The following CA5B variants were observed in gnomAD, a reference collection of about 807,000 sequenced individuals.
CA5B encodes the protein carbonic anhydrase 5B, mitochondrial.
A neutral mutation model predicts 23.1 loss-of-function variants in CA5B; 15 were observed. The observed-to-expected ratio is 0.65, with a 90% CI of 0.43 to 1.00. The LOEUF (loss-of-function observed/expected upper bound fraction) is 1.00. Ranked by LOEUF, CA5B falls within the 50% of genes least tolerant of loss-of-function variation. The pLI is 0.00. For synonymous variants in CA5B, 84 were observed against 98.5 expected (o/e 0.85, Z 0.87); for missense variants, 236 against 252.2 (o/e 0.94, Z 0.43).
chrX:15,771,790 T>C (rs1215343817), intron 3 of CA5B, among the ~76,000 whole-genome samples: 1 of 110,492 alleles, frequency 9.1e-6, no homozygotes, highest in East Asian at 2.8e-4. Context: ...TACAATGTAA[T>C]CTTTTGATAT....
intron 2 of CA5B, among the ~76,000 whole-genome samples, chrX:15,755,019 C>T (rs1420182519): frequency 3.6e-5 from 4 of 112,304 alleles, no homozygotes; most frequent in Admixed American, 2.8e-4. Flanking sequence ...TATATCATAA[C>T]TGTACTGTGT....
intron 1 of CA5B, among the ~76,000 whole-genome samples, chrX:15,743,854 T>G (rs1439609524): frequency 8.9e-6 from 1 of 111,929 alleles, no homozygotes; most frequent in Non-Finnish European, 1.9e-5. Flanking sequence ...TGGCTTTCTT[T>G]CAGAAAAACA....
At chrX:15,751,919 A>C (rs1931363712) in intron 2 of CA5B, among the ~76,000 whole-genome samples, 1 of 111,714 alleles carries the variant, frequency 9.0e-6, no homozygotes, top group African/African-American at 3.3e-5. Context: ...ACAGAAGGCC[A>C]ATGTACACTT....
Position 15,750,111 on chromosome X carries a change from C to G in CA5B, c.88C>G (p.Pro30Ala). The change falls in exon 2 of 8, where the codon CCA becomes GCA. Residue 30 changes from proline to alanine, a missense_variant. By Grantham distance (27) the Pro-to-Ala change is conservative. Coordinates refer to ENST00000318636, the MANE Select transcript of CA5B (RefSeq NM_007220.4). Reference protein sequence around the residue: ...WRKFQIPRFMPARPCSLYTCT... With the variant: ...WRKFQIPRFMAARPCSLYTCT... ...AAAGTTCCAGATTCCGAGATTCATG[C>G]CAGCGAGGCCCTGCAGCCTCTATAC... The G allele has an allele frequency of 8.3e-7, 1 of 1,211,376 alleles. No individual in the cohort carries two copies. Among genetic ancestry groups the G allele is most frequent in the Non-Finnish European group, 1.1e-6 (1 of 895,231 alleles).
At chrX:15,782,277 T>A (rs1932037917) in intron 7 of CA5B, among the ~76,000 whole-genome samples, 1 of 112,334 alleles carries the variant, frequency 8.9e-6, no homozygotes. Context: ...GCTGCTCTCC[T>A]CCCCACAGGA....
chrX:15,775,658 C>T (rs1463495667), intron 6 of CA5B: 1 of 771,842 alleles, frequency 1.3e-6, no homozygotes, highest in African/African-American at 2.3e-5. Flanking sequence ...GAGCGCAGTT[C>T]TACAGAAACT....
chrX:15,772,433 T>C, intron 3 of CA5B, 63 bp from the exon 4 acceptor site: 1 of 741,054 alleles, frequency 1.3e-6, no homozygotes, highest in South Asian at 2.4e-5. Context: ...GATTTGGCCT[T>C]TCACCCACAT....
At chrX:15,745,377 G>T (rs1012304319) in intron 1 of CA5B, among the ~76,000 whole-genome samples, 2 of 110,805 alleles carry the variant, frequency 1.8e-5, no homozygotes, top group African/African-American at 3.3e-5. Context: ...TGTTTAGTGA[G>T]TACATAGTTT....
intron 7 of CA5B, among the ~76,000 whole-genome samples, chrX:15,777,358 T>C (rs775168564): frequency 8.9e-6 from 1 of 111,900 alleles, no homozygotes; most frequent in East Asian, 2.8e-4. Flanking sequence ...TAAGTAGTAT[T>C]TACTATGCAA....
intron 7 of CA5B, among the ~76,000 whole-genome samples, chrX:15,779,992 AACTGT>A (rs1421476766): frequency 1.8e-5 from 2 of 111,974 alleles, no homozygotes; most frequent in African/African-American, 6.5e-5. Flanking sequence ...TTTCTGGTCT[AACTGT>A]ACTGGCTACT....
chrX:15,770,075 A>G (rs781695218), intron 3 of CA5B, among the ~76,000 whole-genome samples: 1 of 111,852 alleles, frequency 8.9e-6, no homozygotes, highest in Non-Finnish European at 1.9e-5. Context: ...GTGCTTTGGG[A>G]GGCCGATGTG....
intron 2 of CA5B, among the ~76,000 whole-genome samples, chrX:15,757,565 G>A (rs1169498538): frequency 9.1e-6 from 1 of 109,858 alleles, no homozygotes; most frequent in African/African-American, 3.3e-5. Context: ...AAAATTAGCC[G>A]GGCATGGTGA....
intron 3 of CA5B, among the ~76,000 whole-genome samples, chrX:15,765,645 G>A (rs1022390404): frequency 9.2e-6 from 1 of 109,188 alleles, no homozygotes; most frequent in Non-Finnish European, 1.9e-5. Context: ...CTCACTCCCC[G>A]CTGTAGGATC....
chrX:15,781,273 G>A (rs1159349364), intron 7 of CA5B, among the ~76,000 whole-genome samples: 3 of 111,101 alleles, frequency 2.7e-5, no homozygotes, highest in East Asian at 2.8e-4. Flanking sequence ...CACCACGCCC[G>A]GCCTAAGTAA....
In CA5B at chrX:15,776,545, T is replaced by C. The variant is rs750960456; in HGVS notation, c.619-169T>C. Among the ~76,000 whole-genome samples, 439 of 111,103 alleles carry C rather than the reference T, an allele frequency of 4.0e-3. 4 individuals carry two copies. Among genetic ancestry groups the C allele is most frequent in the African/African-American group, 0.014 (425 of 30,597 alleles). On this transcript the variant is annotated intron_variant, in intron 6 of 7. Coordinates refer to ENST00000318636, the MANE Select transcript of CA5B (RefSeq NM_007220.4). ...TTAATTCCAGAAACAAAGCCAGGCATGATACCATCCTAAGCAGCGATTCTT... is the reference window on the plus strand; with the variant it reads ...TTAATTCCAGAAACAAAGCCAGGCACGATACCATCCTAAGCAGCGATTCTT...
chrX:15,771,091 C>T (rs1295713905), intron 3 of CA5B, among the ~76,000 whole-genome samples: 1 of 104,080 alleles, frequency 9.6e-6, no homozygotes, highest in Non-Finnish European at 2.0e-5. Context: ...CTGGGCCAGC[C>T]GCAGTGGCTC....
In CA5B at chrX:15,787,201, C is replaced by T. The variant is rs891542790; in HGVS notation, c.*4537C>T. ...ATCCTCCTTCCAGGGGAAAGAGGAA[C>T]ACAACCTCGCTGTCTCAAACAGTTC... On this transcript the variant is annotated 3_prime_UTR_variant, in exon 8 of 8. Transcript: ENST00000318636. 1.8e-5 allele frequency: 2 copies of T among 111,917 alleles called. No homozygotes were observed. Among genetic ancestry groups the T allele is most frequent in the African/African-American group, 6.5e-5 (2 of 30,759 alleles). The allele number at this position is 111,917 out of a possible 1,213,427, so 9.2% of individuals were successfully genotyped here. A position where few individuals can be genotyped will look rare whatever the true frequency, so the allele number is the denominator to read the frequency against.
chrX:15,756,520 G>T (rs1307073091), intron 2 of CA5B, among the ~76,000 whole-genome samples: 1 of 112,592 alleles, frequency 8.9e-6, no homozygotes, highest in African/African-American at 3.2e-5. Context: ...CAAAGCTCAG[G>T]ATGGTTGGAG....
intron 1 of CA5B, among the ~76,000 whole-genome samples, chrX:15,742,851 G>T (rs956312582): frequency 1.8e-5 from 2 of 111,997 alleles, no homozygotes; most frequent in African/African-American, 6.5e-5. Flanking sequence ...ATTTTTTGTT[G>T]TAACAACTCT....
Sources: gnomAD v4.1 joint callset for allele counts (sites outside exome capture counted in the v4.1 genomes callset) on GRCh38, gnomAD v4.1.1 for gene constraint, MANE v1.5 for transcripts, NCBI Gene and HGNC (gene_info 2026-07-23, HGNC 2026-07-21) for gene names.